Variants in CABIN1 observed in about 807,000 individuals in gnomAD.
CABIN1 encodes the protein calcineurin binding protein 1.
A neutral mutation model predicts 227.7 loss-of-function variants in CABIN1; 133 were observed. That is an observed-to-expected ratio of 0.58 (90% confidence interval 0.51 to 0.67). The LOEUF is 0.67. CABIN1 is among the 30% of genes least tolerant of loss of function. CABIN1 has a pLI of 0.00. For missense variants in CABIN1, 2,408 were observed against 2,852.5 expected (o/e 0.84, Z 3.55); for synonymous variants, 1,086 against 1,155.1 (o/e 0.94, Z 1.21).
At chr22:24,134,275 C>T in intron 28 of CABIN1, 27 bp from the exon 29 acceptor site, 1 of 1,591,396 alleles carries the variant, frequency 6.3e-7, no homozygotes, top group Middle Eastern at 1.7e-4. Context: ...CACACACTCA[C>T]TTTCAACCTA....
Position 24,178,517 on chromosome 22 carries a change from CTCGACGCCGGGATGAG to C in CABIN1, c.*322_*337del, listed in dbSNP as rs2047239423. On this transcript the variant is annotated 3_prime_UTR_variant, in exon 37 of 37. Coordinates refer to ENST00000263119, the MANE Select transcript of CABIN1 (RefSeq NM_012295.4). ...CACACCCAGCTGGCCATATCCACCC[CTCGACGCCGGGATGAG>C]CCGGCTCTGCCTGTGTCACAGTGGA... is the stretch of plus-strand genomic sequence containing the variant. The C allele has an allele frequency of 2.5e-6, 1 of 397,104 alleles. No homozygotes were observed. Among genetic ancestry groups the C allele is most frequent in the Non-Finnish European group, 4.8e-6 (1 of 209,386 alleles). The allele number at this position is 397,104 out of a possible 1,614,324, so 24.6% of individuals were successfully genotyped here. A position where few individuals can be genotyped will look rare whatever the true frequency, so the allele number is the denominator to read the frequency against.
intron 1 of CABIN1, among the ~76,000 whole-genome samples, chr22:24,023,181 T>G (rs1461999772): frequency 1.3e-5 from 2 of 152,332 alleles, no homozygotes; most frequent in South Asian, 4.1e-4. Context: ...TTACTTAACA[T>G]AGTGTTTTCA....
At chr22:24,087,390 C>T in intron 22 of CABIN1, 62 bp from the exon 23 acceptor site, 1 of 1,602,220 alleles carries the variant, frequency 6.2e-7, no homozygotes, top group Non-Finnish European at 8.5e-7. Flanking sequence ...ACTAGGCTGT[C>T]ATTATCTTCC....
chr22:24,171,290 G>C (rs1277355209), intron 33 of CABIN1, among the ~76,000 whole-genome samples: 1 of 152,194 alleles, frequency 6.6e-6, no homozygotes, highest in African/African-American at 2.4e-5. Flanking sequence ...TCTCCCATGA[G>C]TGGCCATTGG....
chr22:24,041,235 C>G lies in CABIN1; in HGVS notation c.307C>G (p.Arg103Gly), dbSNP rs751955438. The G allele has an allele frequency of 6.2e-7, 1 of 1,614,134 alleles. No individual in the cohort carries two copies. The highest frequency in any genetic ancestry group is 8.5e-7 in the Non-Finnish European group (1 of 1,180,012). ...GAACTTGGCCCAGCTGGCAGCCCAG[C>G]GGGAGGATCTGGAGACAGCCATGGA... ...YKNLAQLAAQ[R>G]EDLETAMEFY... Residue 103 changes from arginine to glycine, a missense_variant, in exon 5 of 37, where the codon CGG (arginine) becomes GGG (glycine). Physicochemically the swap from Arg to Gly is moderately radical, Grantham distance 125. This residue lies in a region of CABIN1 where 1,045 missense variants were observed against 1,168.4 expected (regional missense o/e 0.89). Transcript: ENST00000263119.
rs2041013623 is a variant in CABIN1 at position 24,084,441 on chromosome 22, T to A, written c.2911-138T>A. 14 of 786,056 alleles carry A rather than the reference T, an allele frequency of 1.8e-5. No homozygotes were observed. The South Asian group carries it at 2.0e-4, about 11-fold the overall frequency. The allele number at this position is 786,056 out of a possible 1,614,324, so 48.7% of individuals were successfully genotyped here. ...GCAGATTTTTTTTTTTTAAGTATAA[T>A]GGGGATTTGTTTTAGGCTCTCCAAT... On this transcript the variant is annotated intron_variant, in intron 20 of 36. Coordinates refer to ENST00000263119, the MANE Select transcript of CABIN1 (RefSeq NM_012295.4).
At chr22:24,167,462 A>G in intron 32 of CABIN1, 149 bp downstream of exon 32, 1 of 701,540 alleles carries the variant, frequency 1.4e-6, no homozygotes. Flanking sequence ...CACTTTCTGC[A>G]ATGAGCTTTA....
chr22:24,127,262 C>T (rs2043789202), intron 28 of CABIN1, among the ~76,000 whole-genome samples: 1 of 152,166 alleles, frequency 6.6e-6, no homozygotes, highest in African/African-American at 2.4e-5. Context: ...GTGTGGTACC[C>T]TGGACCAGCC....
In CABIN1 at chr22:24,048,719, A is replaced by G. The variant is rs969795100; in HGVS notation, c.527-372A>G. On this transcript the variant is annotated intron_variant, in intron 6 of 36. Transcript: ENST00000263119. Reference sequence around the variant, plus strand: ...ATAGGCGTGAGCCCTGTGCCTGGCTATTTCCAGATTTTTTGAAGGCTGTTT... The same window carrying G: ...ATAGGCGTGAGCCCTGTGCCTGGCTGTTTCCAGATTTTTTGAAGGCTGTTT... Among the ~76,000 whole-genome samples, 5 of 152,250 alleles carry G rather than the reference A, an allele frequency of 3.3e-5. No individual in the cohort carries two copies. The East Asian group carries it at 9.7e-4, about 29-fold the overall frequency.
rs1366696016 is a variant in CABIN1 at position 24,057,400 on chromosome 22, C to T, written c.1262+1040C>T. On this transcript the variant is annotated intron_variant, in intron 10 of 36. Coordinates refer to ENST00000263119, the MANE Select transcript of CABIN1 (RefSeq NM_012295.4). ...GAGGCCTCTCTCGGCAGACACCATT[C>T]TTCATTTGCACTGGGCCATCTGCCT... Among the ~76,000 whole-genome samples the T allele has an allele frequency of 3.3e-5, 5 of 152,318 alleles. No homozygotes were observed. In the East Asian group the frequency reaches 7.7e-4, roughly 24 times the overall value.
chr22:24,055,464 A>C (rs181090093), intron 9 of CABIN1, among the ~76,000 whole-genome samples: 1 of 152,356 alleles, frequency 6.6e-6, no homozygotes, highest in Admixed American at 6.5e-5. Context: ...TTCTGGCACG[A>C]AGGTTGCTCT....
chr22:24,065,290 G>A (rs1194352886), intron 15 of CABIN1, among the ~76,000 whole-genome samples: 5 of 151,300 alleles, frequency 3.3e-5, no homozygotes, highest in Non-Finnish European at 4.4e-5. Flanking sequence ...CTTCTCAGAC[G>A]GGGCGGCCGG....
At chr22:24,113,040 G>A (rs1171638529) in intron 26 of CABIN1, among the ~76,000 whole-genome samples, 1 of 152,194 alleles carries the variant, frequency 6.6e-6, no homozygotes, top group African/African-American at 2.4e-5. Flanking sequence ...TTTTACATCT[G>A]TGGCTCCCAG....
intron 19 of CABIN1, among the ~76,000 whole-genome samples, chr22:24,080,649 G>T (rs2040747033): frequency 6.6e-6 from 1 of 151,778 alleles, no homozygotes; most frequent in South Asian, 2.1e-4. Context: ...CTGTAAAATT[G>T]TTGCGTATAT....
chr22:24,049,871 G>A (rs1016041435), intron 7 of CABIN1, among the ~76,000 whole-genome samples: 2 of 151,950 alleles, frequency 1.3e-5, no homozygotes, highest in African/African-American at 4.8e-5. Flanking sequence ...CCCCTCCTTT[G>A]CCAGGTGTCT....
chr22:24,016,945 T>G (rs2035333318), intron 1 of CABIN1, among the ~76,000 whole-genome samples: 1 of 152,174 alleles, frequency 6.6e-6, no homozygotes, highest in Admixed American at 6.5e-5. Context: ...TATCTGTTCG[T>G]ATTTTTTCTC....
chr22:24,055,898 G>C (rs2038759455), intron 9 of CABIN1, among the ~76,000 whole-genome samples: 2 of 152,192 alleles, frequency 1.3e-5, no homozygotes, highest in African/African-American at 4.8e-5. Context: ...CCGAAGTTCA[G>C]CCGACCAGTG....
intron 29 of CABIN1, among the ~76,000 whole-genome samples, chr22:24,158,557 T>C (rs577436987): frequency 2.6e-5 from 4 of 152,310 alleles, no homozygotes; most frequent in African/African-American, 9.6e-5. Context: ...AATTACCCAC[T>C]TTCCGCTCAG....
At chr22:24,124,371 C>T (rs540770866) in intron 28 of CABIN1, among the ~76,000 whole-genome samples, 1 of 152,334 alleles carries the variant, frequency 6.6e-6, no homozygotes, top group South Asian at 2.1e-4. Context: ...GGCTCCCTGC[C>T]TGGGGCATAG....
Sources: gnomAD v4.1 joint callset for allele counts (sites outside exome capture counted in the v4.1 genomes callset) on GRCh38, gnomAD v4.1.1 for gene constraint, gnomAD v4.1.1 regional missense constraint, MANE v1.5 for transcripts, NCBI Gene and HGNC (gene_info 2026-07-23, HGNC 2026-07-21) for gene names.